Variants in LINC00632 observed in about 807,000 individuals in gnomAD.
The protein encoded by LINC00632 is ALDOA related specific transcript.
intron 2 of LINC00632, among the ~76,000 whole-genome samples, chrX:140,717,842 A>G (rs1161109958): frequency 8.9e-6 from 1 of 111,749 alleles, no homozygotes; most frequent in Non-Finnish European, 1.9e-5. Flanking sequence ...ATAGCTGTTA[A>G]GAGAAATAAA....
At chrX:140,723,634 C>G (rs1930800273) in intron 2 of LINC00632, among the ~76,000 whole-genome samples, 1 of 28,334 alleles carries the variant, frequency 3.5e-5, no homozygotes, top group Admixed American at 4.6e-4. Context: ...ATTCCATACA[C>G]ACACACATTC....
chrX:140,733,473 G>A (rs1050198538), intron 2 of LINC00632, among the ~76,000 whole-genome samples: 1 of 111,856 alleles, frequency 8.9e-6, no homozygotes, highest in African/African-American at 3.2e-5. Context: ...CTTCTCACCT[G>A]TAACATGAGA....
exon 5 of LINC00632, chrX:140,784,284 AACAAAGGTAC>A (rs1191132652): frequency 8.3e-7 from 1 of 1,209,202 alleles, no homozygotes; most frequent in African/African-American, 1.7e-5. Context: ...TACGTCTTCC[AACAAAGGTAC>A]GTCTTCCAAC....
chrX:140,790,635 G>T (rs984665474), exon 5 of LINC00632, among the ~76,000 whole-genome samples: 25 of 110,841 alleles, frequency 2.3e-4, no homozygotes, highest in African/African-American at 7.9e-4. Context: ...AACATGTCAA[G>T]AACTGCCATC....
chrX:140,772,405 G>T (rs1931813899), exon 4 of LINC00632: 2 of 296,204 alleles, frequency 6.8e-6, no homozygotes, highest in East Asian at 9.5e-5. Context: ...TGGTTCTTAA[G>T]TATTACAAAT....
At chrX:140,745,117 A>T (rs1296844195) in intron 3 of LINC00632, among the ~76,000 whole-genome samples, 1 of 110,609 alleles carries the variant, frequency 9.0e-6, no homozygotes, top group Non-Finnish European at 1.9e-5. Context: ...CTTAAAGGCC[A>T]TTTAGTGTAA....
intron 3 of LINC00632, among the ~76,000 whole-genome samples, chrX:140,753,680 T>C (rs1439206162): frequency 9.0e-6 from 1 of 110,938 alleles, no homozygotes; most frequent in Non-Finnish European, 1.9e-5. Context: ...AATTTACCTG[T>C]TACTTTTCAC....
chrX:140,746,856 G>A (rs1007769818), intron 3 of LINC00632, among the ~76,000 whole-genome samples: 2 of 111,543 alleles, frequency 1.8e-5, no homozygotes, highest in Admixed American at 9.6e-5. Context: ...TATATTTACT[G>A]TTCTAACTCC....
intron 2 of LINC00632, among the ~76,000 whole-genome samples, chrX:140,724,794 TAC>T (rs772365089): frequency 4.1e-4 from 4 of 9,735 alleles, no homozygotes; most frequent in Non-Finnish European, 7.7e-4. Context: ...ACTCATTCCA[TAC>T]ACACAGAGAC....
chrX:140,789,557 C>A (rs901564188), exon 5 of LINC00632, among the ~76,000 whole-genome samples: 1 of 111,853 alleles, frequency 8.9e-6, no homozygotes, highest in Non-Finnish European at 1.9e-5. Flanking sequence ...GAGCTAGTAC[C>A]TGAGAAATAA....
Position 140,749,734 on chromosome X carries a change from C to T in LINC00632, n.191+15770C>T, listed in dbSNP as rs989421707. ...TTGCTGTGTCTCCCAAGCTGGGGTA[C>T]AGTGGCACAGTCAAGGCTCACTGCA... On this transcript the variant is annotated intron_variant and non_coding_transcript_variant, in intron 3 of 4. Transcript: ENST00000648200. Among the ~76,000 whole-genome samples the T allele has an allele frequency of 2.7e-5, 3 of 110,986 alleles. No individual in the cohort carries two copies. The South Asian group carries it at 1.2e-3, about 43-fold the overall frequency.
At chrX:140,731,067 A>G (rs1401085325) in intron 2 of LINC00632, among the ~76,000 whole-genome samples, 2 of 110,113 alleles carry the variant, frequency 1.8e-5, no homozygotes, top group East Asian at 5.7e-4. Flanking sequence ...AGACCCAGCT[A>G]ATTTTTTATA....
exon 5 of LINC00632, among the ~76,000 whole-genome samples, chrX:140,791,035 A>G (rs1932100466): frequency 9.0e-6 from 1 of 111,442 alleles, no homozygotes; most frequent in Admixed American, 9.6e-5. Flanking sequence ...TTCCAGGACA[A>G]TGCAGATTGA....
chrX:140,790,525 C>A (rs977007550), exon 5 of LINC00632, among the ~76,000 whole-genome samples: 6 of 110,419 alleles, frequency 5.4e-5, no homozygotes, highest in Non-Finnish European at 1.1e-4. Context: ...CAGAATTTTT[C>A]GCTATTCTTG....
chrX:140,722,824 C>T (rs756172956), intron 2 of LINC00632, among the ~76,000 whole-genome samples: 1 of 110,840 alleles, frequency 9.0e-6, no homozygotes, highest in Non-Finnish European at 1.9e-5. Flanking sequence ...CTGAGGCGGG[C>T]GGATCACCTG....
chrX:140,736,889 CTTTT>C (rs1259584930), intron 3 of LINC00632, among the ~76,000 whole-genome samples: 1 of 103,197 alleles, frequency 9.7e-6, no homozygotes, highest in African/African-American at 3.7e-5. Flanking sequence ...TTTCTTTTTT[CTTTT>C]TCTTTTCTTT....
At chrX:140,725,407 GCAGA>G (rs1260226360) in intron 2 of LINC00632, among the ~76,000 whole-genome samples, 1 of 16,030 alleles carries the variant, frequency 6.2e-5, no homozygotes, top group East Asian at 1.9e-3. Flanking sequence ...ATACACTTAC[GCAGA>G]CACATTCCAC....
At chrX:140,776,321 G>A (rs775617726) in exon 5 of LINC00632, among the ~76,000 whole-genome samples, 25 of 112,812 alleles carry the variant, frequency 2.2e-4, no homozygotes, top group African/African-American at 7.1e-4. Context: ...TAACACGTTC[G>A]TGAAGAACCT....
exon 5 of LINC00632, among the ~76,000 whole-genome samples, chrX:140,776,267 T>C (rs56286033): frequency 0.027 from 2,353 of 86,726 alleles, 26 homozygotes; most frequent in Middle Eastern, 0.087. Context: ...TCCTGGAAAA[T>C]TGGCCTCGGC....
Sources: gnomAD v4.1 joint callset for allele counts (sites outside exome capture counted in the v4.1 genomes callset) on GRCh38, gnomAD v4.1.1 for gene constraint, MANE v1.5 for transcripts, NCBI Gene and HGNC (gene_info 2026-07-23, HGNC 2026-07-21) for gene names.